Variants in CD226 observed in about 807,000 individuals in gnomAD.
CD226 encodes CD226 molecule.
In CD226, 24 loss-of-function variants were observed where a neutral mutation model predicts 34.9. The observed-to-expected ratio is 0.69, with a 90% CI of 0.50 to 0.97. The LOEUF is 0.97. CD226 is among the 50% of genes least tolerant of loss of function. The pLI is 0.00. For synonymous variants in CD226, 148 were observed against 147.4 expected (o/e 1.00, Z -0.03); for missense variants, 397 against 412.7 (o/e 0.96, Z 0.33).
At position 69,947,532 on chromosome 18, in the gene CD226, TC is replaced by T; in HGVS notation, c.-127del. ...GATGTTATCAGTCGTGTCTTCTTTT[TC>T]TGAAGTATGAACACAGGAAAAAGGC... On this transcript the variant is annotated 5_prime_UTR_variant, in exon 1 of 6. Coordinates refer to ENST00000582621, the MANE Select transcript of CD226 (RefSeq NM_001303618.2). The T allele has an allele frequency of 1.8e-6, 1 of 549,634 alleles. No homozygotes were observed. The highest frequency in any genetic ancestry group is 3.2e-6 in the Non-Finnish European group (1 of 316,010). 34.0% of individuals were successfully genotyped at this position (549,634 alleles called of 1,614,324 possible).
chr18:69,854,466 G>A lies in CD226; in HGVS notation c.*9848C>T, dbSNP rs1174431854. On this transcript the variant is annotated 3_prime_UTR_variant, in exon 6 of 6. Coordinates refer to ENST00000582621, the MANE Select transcript of CD226 (RefSeq NM_001303618.2). ...TAGGAAACTCCAAGGTTCTCATTAT[G>A]AGGATCCAAGAAAAATTTCCTCGTG... 6.6e-6 allele frequency: 1 copy of A among 152,242 alleles called. No individual in the cohort carries two copies. The highest frequency in any genetic ancestry group is 1.5e-5 in the Non-Finnish European group (1 of 68,066). The allele number at this position is 152,242 out of a possible 1,614,324, so 9.4% of individuals were successfully genotyped here. A position where few individuals can be genotyped will look rare whatever the true frequency, so the allele number is the denominator to read the frequency against.
intron 2 of CD226, among the ~76,000 whole-genome samples, chr18:69,940,720 T>A (rs1325529316): frequency 2.0e-5 from 3 of 152,110 alleles, no homozygotes; most frequent in Non-Finnish European, 4.4e-5. Flanking sequence ...GCATAAAAAA[T>A]TTGGAAAATT....
chr18:69,890,968 G>C (rs1194955904), intron 3 of CD226, among the ~76,000 whole-genome samples: 1 of 140,142 alleles, frequency 7.1e-6, no homozygotes, highest in Non-Finnish European at 1.5e-5. Flanking sequence ...TCTAAACTCA[G>C]TTTATGAGAC....
At chr18:69,923,189 A>C (rs1259996262) in intron 2 of CD226, among the ~76,000 whole-genome samples, 3 of 151,240 alleles carry the variant, frequency 2.0e-5, no homozygotes, top group African/African-American at 7.3e-5. Flanking sequence ...AAAGAAAGAA[A>C]GGAAGGAAGG....
At chr18:69,877,930 G>A (rs1456056144) in intron 3 of CD226, among the ~76,000 whole-genome samples, 1 of 152,154 alleles carries the variant, frequency 6.6e-6, no homozygotes, top group Non-Finnish European at 1.5e-5. Flanking sequence ...TAGCTGACAT[G>A]GCTTCTCAGT....
Position 69,862,801 on chromosome 18 carries a change from T to C in CD226, c.*1513A>G, listed in dbSNP as rs1388179156. 1 of 152,212 alleles carries C rather than the reference T, an allele frequency of 6.6e-6. No homozygotes were observed. Among genetic ancestry groups the C allele is most frequent in the Admixed American group, 6.5e-5 (1 of 15,276 alleles). The allele number at this position is 152,212 out of a possible 1,614,324, so 9.4% of individuals were successfully genotyped here. On this transcript the variant is annotated 3_prime_UTR_variant, in exon 6 of 6. Coordinates refer to ENST00000582621, the MANE Select transcript of CD226 (RefSeq NM_001303618.2). ...AGGCAACAGGAGAATTTGGATTTGC[T>C]TTATTTAAGATTATCATGAAGTCCA... is the stretch of plus-strand genomic sequence containing the variant.
intron 1 of CD226, among the ~76,000 whole-genome samples, chr18:69,955,858 A>T (rs2055892706): frequency 1.9e-5 from 1 of 53,456 alleles, no homozygotes; most frequent in Non-Finnish European, 4.8e-5. Context: ...GCGAGACTCC[A>T]TCTCAAAAAA....
intron 2 of CD226, among the ~76,000 whole-genome samples, chr18:69,935,651 T>A (rs1471300383): frequency 6.6e-6 from 1 of 152,158 alleles, no homozygotes; most frequent in African/African-American, 2.4e-5. Flanking sequence ...ACAGCTGTTG[T>A]GGTAAAGGTG....
chr18:69,896,520 T>G (rs879594941), intron 2 of CD226, among the ~76,000 whole-genome samples: 1 of 152,018 alleles, frequency 6.6e-6, no homozygotes, highest in Admixed American at 6.5e-5. Context: ...GTTTTTTTTG[T>G]TTTTTGTTTT....
chr18:69,916,032 A>T (rs2055381464), intron 2 of CD226, among the ~76,000 whole-genome samples: 1 of 152,184 alleles, frequency 6.6e-6, no homozygotes, highest in South Asian at 2.1e-4. Flanking sequence ...CAGTTAAGAG[A>T]ACAAAGCATA....
chr18:69,891,969 C>A (rs540189964), intron 3 of CD226, among the ~76,000 whole-genome samples: 2 of 152,184 alleles, frequency 1.3e-5, no homozygotes, highest in African/African-American at 4.8e-5. Context: ...ACTCTCCATA[C>A]CAACCTAGTC....
At chr18:69,894,263 C>G (rs1372374204) in intron 3 of CD226, among the ~76,000 whole-genome samples, 2 of 144,710 alleles carry the variant, frequency 1.4e-5, no homozygotes, top group Admixed American at 1.4e-4. Context: ...CAAAGTGGAT[C>G]TAGGTTTTGT....
chr18:69,939,756 T>C (rs911054008), intron 2 of CD226, among the ~76,000 whole-genome samples: 1 of 152,214 alleles, frequency 6.6e-6, no homozygotes. Context: ...TTGGTGAATT[T>C]TGAATAAGCA....
intron 3 of CD226, among the ~76,000 whole-genome samples, chr18:69,893,008 A>T (rs1984997402): frequency 6.6e-6 from 1 of 152,220 alleles, no homozygotes; most frequent in African/African-American, 2.4e-5. Context: ...AAGAGCCTCA[A>T]GACGTGAAAT....
chr18:69,931,551 C>T (rs1455495455), intron 2 of CD226, among the ~76,000 whole-genome samples: 1 of 152,078 alleles, frequency 6.6e-6, no homozygotes, highest in Non-Finnish European at 1.5e-5. Context: ...GAGGTGTGTG[C>T]ACTGCAAAAC....
chr18:69,960,692 C>T (rs942063413), upstream of CD226, among the ~76,000 whole-genome samples: 4 of 152,166 alleles, frequency 2.6e-5, no homozygotes, highest in Non-Finnish European at 4.4e-5. Context: ...TCAAGTGATC[C>T]GCCTGCCTCG....
At chr18:69,901,020 T>C (rs1474873064) in intron 2 of CD226, among the ~76,000 whole-genome samples, 3 of 152,140 alleles carry the variant, frequency 2.0e-5, no homozygotes, top group African/African-American at 7.2e-5. Context: ...CATAGCCTTG[T>C]CAAAATAATC....
chr18:69,900,247 AAAG>A (rs769686430), intron 2 of CD226, among the ~76,000 whole-genome samples: 16 of 152,308 alleles, frequency 1.1e-4, no homozygotes, highest in Non-Finnish European at 2.1e-4. Context: ...TTAGGAACAT[AAAG>A]AAGGAAACAA....
chr18:69,885,701 T>A (rs1337785816), intron 3 of CD226, among the ~76,000 whole-genome samples: 1 of 151,986 alleles, frequency 6.6e-6, no homozygotes, highest in Non-Finnish European at 1.5e-5. Context: ...TGGTGTGGAT[T>A]TGACTTCACC....
Sources: allele counts gnomAD v4.1 joint callset (sites outside exome capture counted in the v4.1 genomes callset), GRCh38; gene constraint gnomAD v4.1.1; transcripts MANE v1.5; gene names NCBI Gene and HGNC (gene_info 2026-07-23, HGNC 2026-07-21).